Variants in FTO observed in about 807,000 individuals in gnomAD.
The protein encoded by FTO is FTO alpha-ketoglutarate dependent dioxygenase.
Under a neutral mutation model 63.9 loss-of-function variants are expected in FTO, and 47 were observed. The ratio of observed to expected loss-of-function variants is 0.74; its 90% CI spans 0.58 to 0.94. The LOEUF is 0.94. Ranked by LOEUF, FTO falls within the 40% of genes least tolerant of loss-of-function variation. FTO has a pLI of 0.00. For synonymous variants in FTO, 207 were observed against 224.4 expected (o/e 0.92, Z 0.69); for missense variants, 562 against 618.1 (o/e 0.91, Z 0.96).
At chr16:53,997,405 GGT>G (rs1428083217) in intron 8 of FTO, among the ~76,000 whole-genome samples, 1 of 152,072 alleles carries the variant, frequency 6.6e-6, no homozygotes, top group Non-Finnish European at 1.5e-5. Flanking sequence ...AACCGTATCA[GGT>G]GTGTTTGGGG....
chr16:53,942,663 G>A lies in FTO; in HGVS notation c.1364+8554G>A, dbSNP rs117018105. ...GCTTTAGTGATATCAGCACAGTTAT[G>A]AACTTTAGCGTTGGTGATTCGGCAT... On this transcript the variant is annotated intron_variant, in intron 8 of 8. Transcript: ENST00000471389. Among the ~76,000 whole-genome samples, 661 of 152,290 alleles carry A rather than the reference G, an allele frequency of 4.3e-3. 2 individuals carry two copies. Among genetic ancestry groups the A allele is most frequent in the Non-Finnish European group, 7.6e-3 (516 of 68,026 alleles).
intron 2 of FTO, among the ~76,000 whole-genome samples, chr16:53,813,721 T>C (rs1297558186): frequency 2.0e-5 from 3 of 152,178 alleles, no homozygotes; most frequent in Admixed American, 6.5e-5. Context: ...AGCTTCCATT[T>C]TGGGTCTGTC....
chr16:54,014,826 A>G lies in FTO; in HGVS notation c.1364+80717A>G, dbSNP rs191867731. Among the ~76,000 whole-genome samples the G allele has an allele frequency of 4.6e-3, 654 of 142,972 alleles. 6 individuals carry two copies. The highest frequency in any genetic ancestry group is 0.016 in the African/African-American group (609 of 38,820). The allele number at this position is 142,972 out of a possible 152,430, so 93.8% of individuals were successfully genotyped here. A position where few individuals can be genotyped will look rare whatever the true frequency, so the allele number is the denominator to read the frequency against. On this transcript the variant is annotated intron_variant, in intron 8 of 8. Coordinates refer to ENST00000471389, the MANE Select transcript of FTO (RefSeq NM_001080432.3). Reference sequence around the variant, plus strand: ...GCATTTAAAATTATTATTATTTTAAATCTCCTACTTTCTCTCTCTCTCTCT... The same window carrying G: ...GCATTTAAAATTATTATTATTTTAAGTCTCCTACTTTCTCTCTCTCTCTCT...
chr16:53,877,917 A>G (rs2080707996), intron 5 of FTO, among the ~76,000 whole-genome samples: 1 of 152,228 alleles, frequency 6.6e-6, no homozygotes, highest in Non-Finnish European at 1.5e-5. Flanking sequence ...CTTGCATGAA[A>G]ATGCAATTAA....
At chr16:53,928,919 C>G (rs1279054674) in intron 7 of FTO, among the ~76,000 whole-genome samples, 3 of 152,074 alleles carry the variant, frequency 2.0e-5, no homozygotes, top group African/African-American at 4.8e-5. Flanking sequence ...TCCCGGCTCA[C>G]TACAACCTAT....
At chr16:53,927,524 A>G (rs2082175166) in intron 7 of FTO, among the ~76,000 whole-genome samples, 1 of 152,170 alleles carries the variant, frequency 6.6e-6, no homozygotes, top group South Asian at 2.1e-4. Context: ...AAGCGTAGAG[A>G]TGTCCGCAGT....
intron 8 of FTO, among the ~76,000 whole-genome samples, chr16:53,988,347 A>ATTGTTC (rs2083721930): frequency 2.6e-5 from 4 of 152,204 alleles, no homozygotes; most frequent in African/African-American, 9.6e-5. Context: ...AGACAATAAG[A>ATTGTTC]AGCCAGGAGG....
rs116620586 is a variant in FTO at position 53,747,020 on chromosome 16, C to G, written c.45+42791C>G. Reference sequence around the variant, plus strand: ...TCTCTCATTCCATCCAATGTTGCTGCAAATGACAAAATTTCTTTCTTTTTA... The same window carrying G: ...TCTCTCATTCCATCCAATGTTGCTGGAAATGACAAAATTTCTTTCTTTTTA... On this transcript the variant is annotated intron_variant, in intron 1 of 8. Transcript: ENST00000471389. Among the ~76,000 whole-genome samples the G allele has an allele frequency of 9.1e-3, 1,383 of 152,266 alleles. 25 individuals carry two copies. Among genetic ancestry groups the G allele is most frequent in the African/African-American group, 0.032 (1,311 of 41,554 alleles).
At chr16:54,053,408 A>T (rs1021919491) in intron 8 of FTO, among the ~76,000 whole-genome samples, 2 of 152,136 alleles carry the variant, frequency 1.3e-5, no homozygotes, top group Admixed American at 1.3e-4. Flanking sequence ...GTTTCCAAAG[A>T]TCATCTCCTG....
At chr16:54,030,683 G>C (rs1181688084) in intron 8 of FTO, among the ~76,000 whole-genome samples, 1 of 152,088 alleles carries the variant, frequency 6.6e-6, no homozygotes, top group East Asian at 1.9e-4. Flanking sequence ...AGTGCATCAG[G>C]AATCGAAAGA....
intron 7 of FTO, among the ~76,000 whole-genome samples, chr16:53,895,304 T>A (rs917443560): frequency 2.0e-5 from 3 of 152,202 alleles, no homozygotes; most frequent in Admixed American, 2.0e-4. Flanking sequence ...GAAAGTGTTG[T>A]GTATCCTGTC....
chr16:53,987,816 A>G (rs1197151057), intron 8 of FTO, among the ~76,000 whole-genome samples: 2 of 152,158 alleles, frequency 1.3e-5, no homozygotes, highest in Non-Finnish European at 2.9e-5. Context: ...CAAGAGTAAT[A>G]TTTGCCCAGT....
chr16:53,714,126 GT>G (rs1402371249), intron 1 of FTO, among the ~76,000 whole-genome samples: 1 of 152,190 alleles, frequency 6.6e-6, no homozygotes, highest in Admixed American at 6.5e-5. Flanking sequence ...AGAAAATTCA[GT>G]TTGAAGGACC....
At chr16:54,091,294 C>T (rs1453333665) in intron 8 of FTO, among the ~76,000 whole-genome samples, 2 of 152,172 alleles carry the variant, frequency 1.3e-5, no homozygotes, top group African/African-American at 4.8e-5. Flanking sequence ...CCTGTAATCC[C>T]AGGACTTTGG....
At chr16:54,017,825 C>G (rs1435397055) in intron 8 of FTO, among the ~76,000 whole-genome samples, 1 of 152,086 alleles carries the variant, frequency 6.6e-6, no homozygotes, top group African/African-American at 2.4e-5. Context: ...CCCAGTCTCC[C>G]TCTCTAGACA....
At chr16:53,719,616 T>C (rs1293464531) in intron 1 of FTO, among the ~76,000 whole-genome samples, 6 of 150,702 alleles carry the variant, frequency 4.0e-5, no homozygotes, top group African/African-American at 1.2e-4. Context: ...AAATTGACTA[T>C]ATTTGCTGGT....
Position 53,826,620 on chromosome 16 carries a change from CGTGT to C in FTO, c.751+136_751+139del, listed in dbSNP as rs201953228. 173 of 832,898 alleles carry C rather than the reference CGTGT, an allele frequency of 2.1e-4. No homozygotes were observed. In the East Asian group the frequency reaches 3.6e-3, roughly 17 times the overall value. The allele number at this position is 832,898 out of a possible 1,614,324, so 51.6% of individuals were successfully genotyped here. On this transcript the variant is annotated intron_variant, in intron 3 of 8. Coordinates refer to ENST00000471389, the MANE Select transcript of FTO (RefSeq NM_001080432.3). ...GTGCTTGCGTGTGTACATGCACATGCGTGTGTGTGTATCATGTGTCCTTTTTAGT... is the reference window on the plus strand; with the variant it reads ...GTGCTTGCGTGTGTACATGCACATGCGTGTGTATCATGTGTCCTTTTTAGT...
At chr16:53,927,637 A>G (rs142910712) in intron 7 of FTO, among the ~76,000 whole-genome samples, 302 of 152,282 alleles carry the variant, frequency 2.0e-3, no homozygotes, top group Non-Finnish European at 3.0e-3. Context: ...GGATAACAAC[A>G]GTTCCTCATC....
intron 8 of FTO, among the ~76,000 whole-genome samples, chr16:53,971,412 T>G (rs542444002): frequency 6.6e-6 from 1 of 152,370 alleles, no homozygotes; most frequent in East Asian, 1.9e-4. Flanking sequence ...CATTTATCCT[T>G]GAAGCATTAT....
Sources: gnomAD v4.1 joint callset for allele counts (sites outside exome capture counted in the v4.1 genomes callset) on GRCh38, gnomAD v4.1.1 for gene constraint, MANE v1.5 for transcripts, NCBI Gene and HGNC (gene_info 2026-07-23, HGNC 2026-07-21) for gene names.